The following MARCHF1 variants were observed in gnomAD, a reference collection of about 807,000 sequenced individuals.
The protein encoded by MARCHF1 is membrane associated ring-CH-type finger 1, also known as E3 ubiquitin-protein ligase MARCHF1.
MARCHF1 carries 40 observed loss-of-function variants against 54.2 expected under a neutral mutation model. That is an observed-to-expected ratio of 0.74 (90% CI 0.57 to 0.96). The LOEUF is 0.96. Ranked by LOEUF, MARCHF1 falls within the 40% of genes least tolerant of loss-of-function variation. MARCHF1 has a pLI of 0.00. For missense variants in MARCHF1, 586 were observed against 656.5 expected (o/e 0.89, Z 1.17); for synonymous variants, 236 against 236.3 (o/e 1.00, Z 0.01).
At chr4:164,288,367 A>T (rs1394660005) in intron 1 of MARCHF1, among the ~76,000 whole-genome samples, 1 of 152,136 alleles carries the variant, frequency 6.6e-6, no homozygotes, top group Non-Finnish European at 1.5e-5. Flanking sequence ...TGCAAGAATG[A>T]AGTGAAAAAA....
chr4:164,069,461 G>A (rs141616502), intron 2 of MARCHF1, among the ~76,000 whole-genome samples: 4,220 of 152,242 alleles, frequency 0.028, 177 homozygotes, highest in African/African-American at 0.096. Flanking sequence ...CACCGCGAAG[G>A]TCTGCAGCTT....
At chr4:164,347,263 C>T (rs1730136510) in intron 1 of MARCHF1, among the ~76,000 whole-genome samples, 1 of 152,186 alleles carries the variant, frequency 6.6e-6, no homozygotes, top group South Asian at 2.1e-4. Flanking sequence ...TTTAATCCAT[C>T]ATTTTTCATT....
chr4:164,021,021 G>A (rs539723679), intron 2 of MARCHF1, among the ~76,000 whole-genome samples: 2 of 151,394 alleles, frequency 1.3e-5, no homozygotes, highest in South Asian at 4.2e-4. Context: ...GACAAAAATA[G>A]AAGTGAGTGT....
intron 1 of MARCHF1, among the ~76,000 whole-genome samples, chr4:164,261,267 T>G (rs1462123705): frequency 6.6e-6 from 1 of 152,098 alleles, no homozygotes; most frequent in Non-Finnish European, 1.5e-5. Context: ...TGGTACTTTA[T>G]TACAGGAGCC....
intron 3 of MARCHF1, among the ~76,000 whole-genome samples, chr4:163,943,189 T>C (rs1431176738): frequency 6.6e-6 from 1 of 152,214 alleles, no homozygotes; most frequent in Non-Finnish European, 1.5e-5. Context: ...AGAAGCTCTT[T>C]AGTTAGATCC....
At chr4:164,244,028 G>A (rs972650185) in intron 1 of MARCHF1, among the ~76,000 whole-genome samples, 11 of 152,034 alleles carry the variant, frequency 7.2e-5, no homozygotes, top group African/African-American at 2.7e-4. Context: ...ACACCCCACT[G>A]TCAACATTAG....
intron 1 of MARCHF1, among the ~76,000 whole-genome samples, chr4:164,191,374 T>C (rs1483913170): frequency 6.6e-6 from 1 of 152,228 alleles, no homozygotes; most frequent in East Asian, 1.9e-4. Flanking sequence ...TAATTGCTTT[T>C]ACAGAATATG....
intron 1 of MARCHF1, among the ~76,000 whole-genome samples, chr4:164,287,186 A>T (rs1734172884): frequency 6.6e-6 from 1 of 150,776 alleles, no homozygotes; most frequent in South Asian, 2.1e-4. Flanking sequence ...AGTCTGAATT[A>T]AAGGTCATTT....
At chr4:164,186,346 C>T (rs1011588101) in intron 1 of MARCHF1, among the ~76,000 whole-genome samples, 3 of 152,122 alleles carry the variant, frequency 2.0e-5, no homozygotes, top group African/African-American at 7.2e-5. Context: ...TTTTAAAAAA[C>T]CTGTCATCCT....
At chr4:163,624,433 C>A (rs1464342866) in intron 5 of MARCHF1, among the ~76,000 whole-genome samples, 2 of 152,168 alleles carry the variant, frequency 1.3e-5, no homozygotes, top group Non-Finnish European at 2.9e-5. Context: ...TGTACTATAC[C>A]TTTTATTGAC....
intron 2 of MARCHF1, among the ~76,000 whole-genome samples, chr4:164,063,058 T>C (rs1403210377): frequency 6.6e-6 from 1 of 152,232 alleles, no homozygotes; most frequent in African/African-American, 2.4e-5. Context: ...AAACGTTCAG[T>C]AACCCAGGCT....
chr4:163,896,175 TTC>T (rs1285820776), intron 3 of MARCHF1, among the ~76,000 whole-genome samples: 3 of 152,178 alleles, frequency 2.0e-5, no homozygotes, highest in African/African-American at 7.2e-5. Context: ...AAAAATAATT[TTC>T]TGTTTTATTC....
At chr4:163,818,595 T>C (rs1159078349) in intron 4 of MARCHF1, among the ~76,000 whole-genome samples, 6 of 152,170 alleles carry the variant, frequency 3.9e-5, no homozygotes, top group Non-Finnish European at 8.8e-5. Context: ...ATCCTTGCCC[T>C]GAACCCAGCC....
At chr4:164,244,217 C>G (rs1309058747) in intron 1 of MARCHF1, among the ~76,000 whole-genome samples, 1 of 151,744 alleles carries the variant, frequency 6.6e-6, no homozygotes, top group Non-Finnish European at 1.5e-5. Flanking sequence ...GTAAAGCTCT[C>G]CTCAGCAAAT....
At chr4:163,826,666 A>G (rs1303753339) in intron 4 of MARCHF1, among the ~76,000 whole-genome samples, 2 of 152,112 alleles carry the variant, frequency 1.3e-5, no homozygotes, top group Non-Finnish European at 2.9e-5. Flanking sequence ...AGATAAGTAT[A>G]TTAATTAAAT....
At chr4:164,292,212 T>A (rs1734299791) in intron 1 of MARCHF1, among the ~76,000 whole-genome samples, 1 of 152,206 alleles carries the variant, frequency 6.6e-6, no homozygotes, top group Admixed American at 6.5e-5. Flanking sequence ...ATACATAGAT[T>A]TTTACCAACT....
intron 1 of MARCHF1, among the ~76,000 whole-genome samples, chr4:164,162,923 T>TGACA (rs796788141): frequency 6.6e-5 from 10 of 152,246 alleles, no homozygotes; most frequent in African/African-American, 2.4e-4. Context: ...ACAGTTTTAC[T>TGACA]GACAGCTAAC....
At chr4:163,615,889 A>G (rs1741493322) in intron 5 of MARCHF1, among the ~76,000 whole-genome samples, 1 of 152,146 alleles carries the variant, frequency 6.6e-6, no homozygotes, top group South Asian at 2.1e-4. Context: ...ACATAGACCC[A>G]TGGAACACAA....
chr4:164,208,726 G>A (rs1039597506), intron 1 of MARCHF1, among the ~76,000 whole-genome samples: 15 of 152,136 alleles, frequency 9.9e-5, no homozygotes, highest in Admixed American at 9.8e-4. Context: ...GTGGGAAATT[G>A]GTTAAGCTCT....
Sources: gnomAD v4.1 joint callset for allele counts (sites outside exome capture counted in the v4.1 genomes callset) on GRCh38, gnomAD v4.1.1 for gene constraint, MANE v1.5 for transcripts, NCBI Gene and HGNC (gene_info 2026-07-23, HGNC 2026-07-21) for gene names.